Variants in MORN5 observed in about 807,000 individuals in gnomAD.
MORN5 encodes MORN repeat-containing protein 5.
Under a neutral mutation model 22.1 loss-of-function variants are expected in MORN5, and 21 were observed. The ratio of observed to expected loss-of-function variants is 0.95; its 90% CI spans 0.67 to 1.37. The LOEUF (loss-of-function observed/expected upper bound fraction) is 1.37. Ranked by LOEUF, MORN5 falls within the 40% of genes most tolerant of loss-of-function variation. The pLI is 0.00. For synonymous variants in MORN5, 73 were observed against 74.0 expected, an observed-to-expected ratio of 0.99 and a Z score of 0.07; for missense variants, 211 against 215.1, an observed-to-expected ratio of 0.98 and a Z score of 0.12.
Position 122,166,806 on chromosome 9 carries a change from C to T in MORN5, c.86C>T (p.Thr29Ile). Residue 29 changes from threonine (T) to isoleucine (I), a missense_variant, in exon 2 of 5, where the codon ACA becomes ATA. Physicochemically the swap from Thr to Ile is moderately conservative, Grantham distance 89. Coordinates refer to ENST00000373764, the MANE Select transcript of MORN5 (RefSeq NM_198469.4). The part of the protein sequence containing the change: ...GKAKYILPTE[T>I]IYVGEMKDGM... ...GCCAAGTACATCCTCCCTACCGAAA[C>T]AATATATGTTGGGGAAATGAAGGAT... The T allele has an allele frequency of 1.9e-6, 3 of 1,613,856 alleles. No homozygotes were observed. Among genetic ancestry groups the T allele is most frequent in the Non-Finnish European group, 2.5e-6 (3 of 1,179,888 alleles).
chr9:122,162,692 A>G (rs1343786803), intron 1 of MORN5, among the ~76,000 whole-genome samples: 1 of 152,244 alleles, frequency 6.6e-6, no homozygotes, highest in Admixed American at 6.5e-5. Flanking sequence ...ATCTCAAAAA[A>G]TTATGTTAAG....
At chr9:122,185,207 C>G (rs533622694) in intron 4 of MORN5, among the ~76,000 whole-genome samples, 1 of 151,640 alleles carries the variant, frequency 6.6e-6, no homozygotes, top group Non-Finnish European at 1.5e-5. Flanking sequence ...AGGCGCCCAC[C>G]ACCATGTTCA....
chr9:122,189,198 GAAAAA>G, intron 4 of MORN5, among the ~76,000 whole-genome samples: 1 of 139,668 alleles, frequency 7.2e-6, no homozygotes, highest in East Asian at 2.1e-4. Flanking sequence ...CCATCTGGAG[GAAAAA>G]AAAAAAAAGA....
At chr9:122,170,644 C>G (rs1039598332) in intron 3 of MORN5, among the ~76,000 whole-genome samples, 2 of 152,182 alleles carry the variant, frequency 1.3e-5, no homozygotes, top group Non-Finnish European at 2.9e-5. Context: ...CTGTGGAGTT[C>G]AGACATGGTT....
chr9:122,160,152 T>C (rs1829169659), intron 1 of MORN5, 133 bp downstream of exon 1: 1 of 724,416 alleles, frequency 1.4e-6, no homozygotes. Context: ...TCAAGGACCA[T>C]ATCTAATAAG....
chr9:122,197,141 A>C lies in MORN5; in HGVS notation c.440-2744A>C, dbSNP rs1246974648. On this transcript the variant is annotated intron_variant, in intron 4 of 4. Coordinates refer to ENST00000373764, the MANE Select transcript of MORN5 (RefSeq NM_198469.4). The surrounding 1 kb of genome is among the most constrained non-coding windows in gnomAD (Gnocchi z 5.7). ...GAGTGGAATTACCGGGCCAACAGGG[A>C]CCAAAAATTTTTAAGATAAATGCAC... Among the ~76,000 whole-genome samples the C allele has an allele frequency of 6.6e-6, 1 of 152,174 alleles. No individual in the cohort carries two copies. The highest frequency in any genetic ancestry group is 1.5e-5 in the Non-Finnish European group (1 of 68,024).
At position 122,160,586 on chromosome 9, in the gene MORN5, C is replaced by T. The variant is rs181799241; in HGVS notation, c.47+567C>T. On this transcript the variant is annotated intron_variant, in intron 1 of 4. Transcript: ENST00000373764. ...CCTTTTTTCCTTCCTTCCTTCCTTCCTACCTTCCTCTCTTTCTTTCTTTCT... is the reference window on the plus strand; with the variant it reads ...CCTTTTTTCCTTCCTTCCTTCCTTCTTACCTTCCTCTCTTTCTTTCTTTCT... Among the ~76,000 whole-genome samples the T allele has an allele frequency of 3.3e-5, 5 of 150,006 alleles. No individual in the cohort carries two copies. In the East Asian group the frequency reaches 9.8e-4, roughly 29 times the overall value.
At chr9:122,174,398 T>G in intron 3 of MORN5, 98 bp from the exon 4 acceptor site, 1 of 1,389,522 alleles carries the variant, frequency 7.2e-7, no homozygotes. Context: ...GGGAGCCAGA[T>G]AGTCACATGA....
At chr9:122,189,914 G>C (rs1231523454) in intron 4 of MORN5, among the ~76,000 whole-genome samples, 1 of 152,100 alleles carries the variant, frequency 6.6e-6, no homozygotes, top group Non-Finnish European at 1.5e-5. Context: ...CCTATAAAAA[G>C]TTTTTAAAAA....
In MORN5 at chr9:122,159,982, A is replaced by C. The variant is rs370242915; in HGVS notation, c.10A>C (p.Thr4Pro). The C allele has an allele frequency of 3.5e-5, 56 of 1,614,020 alleles. No individual in the cohort carries two copies. The African/African-American group carries it at 6.7e-4, about 19-fold the overall frequency. Reference protein sequence around the residue: MEYTGSKYIGEYVD... With the variant: MEYPGSKYIGEYVD... ...GCTAAAAACAGGCGCCATGGAGTAC[A>C]CAGGGAGCAAATATATCGGGGAATA... The change falls in exon 1 of 5, where the codon ACA (threonine) becomes CCA (proline). Residue 4 changes from threonine to proline, a missense_variant. Coordinates refer to ENST00000373764, the MANE Select transcript of MORN5 (RefSeq NM_198469.4).
intron 4 of MORN5, among the ~76,000 whole-genome samples, chr9:122,185,920 A>G (rs1829623871): frequency 6.6e-6 from 1 of 152,160 alleles, no homozygotes; most frequent in African/African-American, 2.4e-5. Context: ...ACTCCCCCAC[A>G]GCCTCCTCCC....
chr9:122,199,361 C>T (rs1470755267), intron 4 of MORN5, among the ~76,000 whole-genome samples: 2 of 152,206 alleles, frequency 1.3e-5, no homozygotes, highest in East Asian at 3.9e-4. Flanking sequence ...CTTTCAGGCA[C>T]AGCGGCGAGC....
rs1437977063 is a variant in MORN5 at position 122,174,399 on chromosome 9, A to G, written c.308-97A>G. 7 of 1,389,864 alleles carry G rather than the reference A, an allele frequency of 5.0e-6. No individual in the cohort carries two copies. The East Asian group carries it at 1.6e-4, about 32-fold the overall frequency. 86.1% of individuals were successfully genotyped at this position (1,389,864 alleles called of 1,614,324 possible). A position where few individuals can be genotyped will look rare whatever the true frequency, so the allele number is the denominator to read the frequency against. On this transcript the variant is annotated intron_variant, in intron 3 of 4. Coordinates refer to ENST00000373764, the MANE Select transcript of MORN5 (RefSeq NM_198469.4). ...ATTTAGTTCAACAGGGGAGCCAGAT[A>G]GTCACATGAGCCACCAGCCACAAGT...
chr9:122,171,596 C>T (rs945271230), intron 3 of MORN5, among the ~76,000 whole-genome samples: 11 of 152,270 alleles, frequency 7.2e-5, no homozygotes, highest in African/African-American at 2.6e-4. Flanking sequence ...TCAAGCTTCC[C>T]TGACACCTGT....
Position 122,199,904 on chromosome 9 carries a change from G to T in MORN5, c.459G>T (p.Trp153Cys). ...TTGCAGATGATGACGAGCATGAGTGGATCACCCGTACCTGTCGAAAGGGCT... is the reference window on the plus strand; with the variant it reads ...TTGCAGATGATGACGAGCATGAGTGTATCACCCGTACCTGTCGAAAGGGCT... ...LRNADDDEHE[W>C]ITRTCRKG Residue 153 changes from tryptophan to cysteine, a missense_variant, in exon 5 of 5, where the codon TGG (tryptophan) becomes TGT (cysteine). Physicochemically the swap from Trp to Cys is radical, Grantham distance 215. Coordinates refer to ENST00000373764, the MANE Select transcript of MORN5 (RefSeq NM_198469.4). The T allele has an allele frequency of 6.2e-7, 1 of 1,613,950 alleles. No individual in the cohort carries two copies. Among genetic ancestry groups the T allele is most frequent in the Non-Finnish European group, 8.5e-7 (1 of 1,179,878 alleles).
chr9:122,167,421 C>T (rs560491262), intron 2 of MORN5, among the ~76,000 whole-genome samples: 2 of 137,462 alleles, frequency 1.5e-5, no homozygotes, highest in South Asian at 2.4e-4. Flanking sequence ...GGTGTGATCT[C>T]AGCTCACCAC....
At chr9:122,175,310 T>C (rs918795133) in intron 4 of MORN5, 3 of 243,294 alleles carry the variant, frequency 1.2e-5, no homozygotes, top group African/African-American at 4.6e-5. Flanking sequence ...GAGTGATCCC[T>C]TGAGGTGCAA....
chr9:122,167,957 G>A (rs774019978), intron 2 of MORN5, among the ~76,000 whole-genome samples: 6 of 152,008 alleles, frequency 3.9e-5, no homozygotes, highest in African/African-American at 9.7e-5. Context: ...TGCTTTCATC[G>A]TCATCTCTTC....
intron 1 of MORN5, 33 bp from the exon 2 acceptor site, chr9:122,166,735 A>T (rs1829290069): frequency 6.3e-7 from 1 of 1,599,744 alleles, no homozygotes; most frequent in South Asian, 1.1e-5. Flanking sequence ...CAGCTGTCAC[A>T]CAGGGCTCAG....
Sources: allele counts gnomAD v4.1 joint callset (sites outside exome capture counted in the v4.1 genomes callset), GRCh38; gene constraint gnomAD v4.1.1; non-coding constraint Gnocchi (gnomAD v3.1); transcripts MANE v1.5; gene names NCBI Gene and HGNC (gene_info 2026-07-23, HGNC 2026-07-21).